The following GRB10 variants were observed in gnomAD, a reference collection of about 807,000 sequenced individuals.
GRB10 encodes the protein growth factor receptor-bound protein 10.
In GRB10, 20 loss-of-function variants were observed where a neutral mutation model predicts 80.9. The observed-to-expected ratio is 0.25, with a 90% CI of 0.17 to 0.36. The LOEUF (loss-of-function observed/expected upper bound fraction) is 0.36, where lower values mean the gene tolerates loss of function less well. GRB10 is among the 10% of genes least tolerant of loss of function. GRB10 has a pLI of 1.00. For synonymous variants in GRB10, 291 were observed against 291.5 expected (o/e 1.00, Z 0.02); for missense variants, 548 against 747.7 (o/e 0.73, Z 3.12).
intron 5 of GRB10, among the ~76,000 whole-genome samples, chr7:50,702,883 T>C (rs1281506696): frequency 6.6e-6 from 1 of 152,262 alleles, no homozygotes; most frequent in Non-Finnish European, 1.5e-5. Flanking sequence ...TAAGTTTTTA[T>C]ATAAGCATTA....
At chr7:50,778,947 C>T (rs1304637913) in intron 2 of GRB10, among the ~76,000 whole-genome samples, 2 of 152,140 alleles carry the variant, frequency 1.3e-5, no homozygotes, top group South Asian at 4.1e-4. Flanking sequence ...AAAAGAGAAA[C>T]CACTAAATAA....
intron 7 of GRB10, among the ~76,000 whole-genome samples, chr7:50,648,807 A>C (rs1171181496): frequency 6.6e-6 from 1 of 152,156 alleles, no homozygotes; most frequent in East Asian, 1.9e-4. Flanking sequence ...CTTTTCTTTG[A>C]AGCTTTTGAG....
intron 3 of GRB10, among the ~76,000 whole-genome samples, chr7:50,735,557 G>A (rs1023217246): frequency 2.0e-5 from 3 of 152,088 alleles, no homozygotes; most frequent in African/African-American, 7.2e-5. Context: ...CTGATGCAGG[G>A]CCAGAATGTG....
At chr7:50,659,568 A>G (rs2153627571) in intron 7 of GRB10, among the ~76,000 whole-genome samples, 1 of 152,308 alleles carries the variant, frequency 6.6e-6, no homozygotes, top group East Asian at 1.9e-4. Flanking sequence ...TGGGTCCTGC[A>G]CCTATCTCCC....
chr7:50,616,660 T>C (rs930675544), intron 10 of GRB10, among the ~76,000 whole-genome samples: 1 of 152,198 alleles, frequency 6.6e-6, no homozygotes, highest in Non-Finnish European at 1.5e-5. Context: ...GCAAGTGCCA[T>C]GACCAAGTGA....
intron 4 of GRB10, among the ~76,000 whole-genome samples, chr7:50,722,535 T>G (rs1205073634): frequency 1.3e-5 from 2 of 152,106 alleles, no homozygotes. Context: ...TGGGGGCACA[T>G]GGGCAGCAAC....
chr7:50,760,177 A>G (rs1039376989), intron 2 of GRB10, among the ~76,000 whole-genome samples: 1 of 152,214 alleles, frequency 6.6e-6, no homozygotes, highest in African/African-American at 2.4e-5. Context: ...AAAACTAGCC[A>G]AAGGCCAGCA....
At chr7:50,605,825 G>A (rs192979010) in intron 14 of GRB10, among the ~76,000 whole-genome samples, 1 of 152,284 alleles carries the variant, frequency 6.6e-6, no homozygotes, top group Non-Finnish European at 1.5e-5. Flanking sequence ...GCACCATTTG[G>A]CATCTCAAAG....
chr7:50,689,229 T>G (rs1391857465), intron 5 of GRB10, among the ~76,000 whole-genome samples: 1 of 152,186 alleles, frequency 6.6e-6, no homozygotes, highest in Admixed American at 6.5e-5. Flanking sequence ...TTCAGGGTGC[T>G]GAGTCCCCAA....
At chr7:50,599,433 A>G (rs982976329) in intron 17 of GRB10, among the ~76,000 whole-genome samples, 8 of 152,188 alleles carry the variant, frequency 5.3e-5, no homozygotes, top group Admixed American at 1.3e-4. Flanking sequence ...GAAATGGATT[A>G]TTTACCTTGT....
rs2052995527 is a variant in GRB10 at position 50,626,806 on chromosome 7, T to C, written c.661+16A>G. 1 of 1,614,156 alleles carries C rather than the reference T, an allele frequency of 6.2e-7. No homozygotes were observed. The highest frequency in any genetic ancestry group is 1.7e-5 in the Admixed American group (1 of 60,020). ...AAGCATCCCCAGGTGCCAATCCTGT[T>C]CTGATGGTTCCCTACCTAATCCTAG... On this transcript the variant is annotated intron_variant, in intron 8 of 18. Coordinates refer to ENST00000401949, the MANE Select transcript of GRB10 (RefSeq NM_001350814.2).
intron 3 of GRB10, among the ~76,000 whole-genome samples, chr7:50,739,544 C>T (rs1016963769): frequency 2.0e-5 from 3 of 152,218 alleles, no homozygotes; most frequent in African/African-American, 7.2e-5. Flanking sequence ...TCACACATGG[C>T]AACGTACTAA....
intron 5 of GRB10, among the ~76,000 whole-genome samples, chr7:50,700,199 T>C (rs17547506): frequency 0.072 from 10,973 of 152,228 alleles, 624 homozygotes; most frequent in South Asian, 0.12. Context: ...TGCAAACCAC[T>C]TGAGTATTTT....
chr7:50,667,220 G>A (rs2059909313), intron 7 of GRB10, among the ~76,000 whole-genome samples: 1 of 152,084 alleles, frequency 6.6e-6, no homozygotes, highest in African/African-American at 2.4e-5. Flanking sequence ...ATTTAATAGT[G>A]AACATAATGA....
intron 2 of GRB10, among the ~76,000 whole-genome samples, chr7:50,777,427 T>C (rs2077780238): frequency 4.1e-5 from 1 of 24,436 alleles, no homozygotes; most frequent in Admixed American, 4.1e-4. Context: ...CAGCAATCTG[T>C]ATACACACAC....
At chr7:50,783,855 C>T (rs2078557361), upstream of GRB10, among the ~76,000 whole-genome samples, 1 of 152,182 alleles carries the variant, frequency 6.6e-6, no homozygotes, top group Non-Finnish European at 1.5e-5. Context: ...GGAAAAGCTA[C>T]CCTAGTCCAA....
intron 2 of GRB10, among the ~76,000 whole-genome samples, chr7:50,758,690 C>CA (rs762654679): frequency 4.6e-5 from 7 of 152,030 alleles, no homozygotes; most frequent in Non-Finnish European, 1.0e-4. Flanking sequence ...TTTAGTTAAA[C>CA]AAAAAAATTA....
chr7:50,786,488 A>G (rs1355559594), upstream of GRB10, among the ~76,000 whole-genome samples: 3 of 152,228 alleles, frequency 2.0e-5, no homozygotes, highest in Non-Finnish European at 4.4e-5. Flanking sequence ...TGACAAAACA[A>G]AACAAAAAAC....
intron 13 of GRB10, among the ~76,000 whole-genome samples, chr7:50,609,151 C>G (rs1473514360): frequency 1.3e-5 from 2 of 151,972 alleles, no homozygotes. Context: ...GGTTCAAATA[C>G]AAATATGATT....
Sources: allele counts gnomAD v4.1 joint callset (sites outside exome capture counted in the v4.1 genomes callset), GRCh38; gene constraint gnomAD v4.1.1; transcripts MANE v1.5; gene names NCBI Gene and HGNC (gene_info 2026-07-23, HGNC 2026-07-21).